Variants in APAF1 observed in about 807,000 individuals in gnomAD.
The protein encoded by APAF1 is apoptotic peptidase activating factor 1.
In APAF1, 91 loss-of-function variants were observed where a neutral mutation model predicts 152.4. The observed-to-expected ratio is 0.60, with a 90% CI of 0.50 to 0.71. The LOEUF (loss-of-function observed/expected upper bound fraction) is 0.71. Among genes scored for constraint, APAF1 ranks in the 30% least tolerant of loss-of-function variants. The probability of loss-of-function intolerance (pLI) is 0.00; values close to 1 mark genes in which losing one functional copy is unlikely to be tolerated. For missense variants in APAF1, 1,283 were observed against 1,472.0 expected (o/e 0.87, Z 2.10); for synonymous variants, 484 against 494.1 (o/e 0.98, Z 0.27).
chr12:98,715,523 A>G lies in APAF1; in HGVS notation c.3055A>G (p.Ile1019Val). ...GTTCACAGCCGATGAGAAGACTCTT[A>G]TTTCAAGTTCTGATGATGCTGAAAT... ...IQFTADEKTLISSSDDAEIQV... is the reference protein window; with the variant it reads ...IQFTADEKTLVSSSDDAEIQV... The change falls in exon 22 of 27, where the codon ATT (isoleucine) becomes GTT (valine). Residue 1019 changes from isoleucine (I) to valine (V), a missense_variant. Physicochemically the swap from Ile to Val is conservative, Grantham distance 29 (BLOSUM62 3). Transcript: ENST00000551964. The G allele has an allele frequency of 6.2e-7, 1 of 1,613,716 alleles. No individual in the cohort carries two copies. Among genetic ancestry groups the G allele is most frequent in the Non-Finnish European group, 8.5e-7 (1 of 1,179,822 alleles).
chr12:98,671,846 A>G, intron 12 of APAF1, 127 bp downstream of exon 12: 1 of 837,166 alleles, frequency 1.2e-6, no homozygotes, highest in Non-Finnish European at 2.0e-6. Context: ...TTTAATAAGC[A>G]TTCTTACTTA....
intron 12 of APAF1, among the ~76,000 whole-genome samples, chr12:98,673,043 C>G (rs2097682285): frequency 6.6e-6 from 1 of 152,026 alleles, no homozygotes; most frequent in African/African-American, 2.4e-5. Context: ...CAGGCGTGAG[C>G]CACTGCACCC....
intron 16 of APAF1, among the ~76,000 whole-genome samples, chr12:98,695,193 C>T (rs533265160): frequency 2.6e-5 from 4 of 152,186 alleles, no homozygotes; most frequent in African/African-American, 7.2e-5. Context: ...GCTGGGATTA[C>T]AGGCACGCAC....
chr12:98,732,528 A>G lies in APAF1; in HGVS notation c.3709A>G (p.Asn1237Asp). The G allele has an allele frequency of 6.4e-7, 1 of 1,567,246 alleles. No homozygotes were observed. The highest frequency in any genetic ancestry group is 8.8e-7 in the Non-Finnish European group (1 of 1,137,292). ...PDFKTYVTVD[N>D]LGILYILQTL... Reference sequence around the variant, plus strand: ...CTTCAAAACATATGTGACTGTGGATAATCTTGGTATTTTATATATTTTACA... The same window carrying G: ...CTTCAAAACATATGTGACTGTGGATGATCTTGGTATTTTATATATTTTACA... Residue 1237 changes from asparagine (N) to aspartate (D), a missense_variant, in exon 27 of 27, where the codon AAT becomes GAT. Asn to Asp is a conservative substitution (Grantham distance 23). Transcript: ENST00000551964.
chr12:98,689,465 T>A lies in APAF1; in HGVS notation c.2304+2592T>A, dbSNP rs548884575. Among the ~76,000 whole-genome samples the A allele has an allele frequency of 4.1e-4, 56 of 136,582 alleles. No homozygotes were observed. In the East Asian group the frequency reaches 8.7e-3, roughly 21 times the overall value. 89.6% of individuals were successfully genotyped at this position (136,582 alleles called of 152,430 possible). On this transcript the variant is annotated intron_variant, in intron 16 of 26. Transcript: ENST00000551964. ...GAGAGAGAGAGAGAGAGAGAGAGAGTGTGTGTGTCTGTGTGTGTGTGTGTG... is the reference window on the plus strand; with the variant it reads ...GAGAGAGAGAGAGAGAGAGAGAGAGAGTGTGTGTCTGTGTGTGTGTGTGTG...
chr12:98,703,315 AT>A (rs1565884581), intron 17 of APAF1, 55 bp from the exon 18 acceptor site: 8 of 1,588,510 alleles, frequency 5.0e-6, no homozygotes, highest in Non-Finnish European at 6.9e-6. Context: ...GGATATTAGA[AT>A]AGCTTATCTC....
intron 20 of APAF1, among the ~76,000 whole-genome samples, chr12:98,710,169 C>T (rs559259505): frequency 1.1e-4 from 16 of 148,570 alleles, no homozygotes; most frequent in South Asian, 1.1e-3. Flanking sequence ...CCACCGTGCC[C>T]GGCCTAAGGG....
At chr12:98,655,058 CT>C (rs2097654924) in intron 4 of APAF1, among the ~76,000 whole-genome samples, 1 of 116,118 alleles carries the variant, frequency 8.6e-6, no homozygotes, top group African/African-American at 3.3e-5. Flanking sequence ...CTTCAAGCAT[CT>C]GTTTAACAAA....
chr12:98,715,738 A>G (rs2097734048), intron 22 of APAF1, among the ~76,000 whole-genome samples, 186 bp downstream of exon 22: 1 of 151,860 alleles, frequency 6.6e-6, no homozygotes, highest in Admixed American at 6.6e-5. Flanking sequence ...CAGACAGTTT[A>G]TCTTAGAATC....
chr12:98,653,000 G>A (rs1001979732), intron 4 of APAF1, among the ~76,000 whole-genome samples: 10 of 151,908 alleles, frequency 6.6e-5, no homozygotes, highest in African/African-American at 2.4e-4. Context: ...CAGTAGACGA[G>A]AACTCTGATG....
chr12:98,688,641 T>TTCC (rs34779436), intron 16 of APAF1, among the ~76,000 whole-genome samples: 1 of 127,522 alleles, frequency 7.8e-6, no homozygotes, highest in Non-Finnish European at 1.5e-5. Context: ...TGGCGAAATT[T>TTCC]TTTTTTTTTT....
intron 11 of APAF1, 56 bp downstream of exon 11, chr12:98,671,142 A>G: frequency 3.8e-6 from 4 of 1,063,122 alleles, no homozygotes; most frequent in East Asian, 2.4e-5. Flanking sequence ...TTTTTTTTAC[A>G]TTTAATTCTA....
intron 4 of APAF1, among the ~76,000 whole-genome samples, chr12:98,650,181 C>T (rs2097647156): frequency 6.6e-6 from 1 of 152,102 alleles, no homozygotes; most frequent in South Asian, 2.1e-4. Context: ...AGACAGTTCC[C>T]AACTTCTAGT....
intron 9 of APAF1, 25 bp downstream of exon 9, chr12:98,666,382 TTTTTTCC>T (rs2097672758): frequency 1.9e-6 from 3 of 1,603,340 alleles, no homozygotes; most frequent in Non-Finnish European, 1.7e-6. Context: ...GTTTACTTTT[TTTTTTCC>T]TTTTTCCTTT....
At chr12:98,652,996 A>G (rs2097650877) in intron 4 of APAF1, among the ~76,000 whole-genome samples, 1 of 151,582 alleles carries the variant, frequency 6.6e-6, no homozygotes, top group South Asian at 2.1e-4. Context: ...TTCTCAGTAG[A>G]CGAGAACTCT....
intron 18 of APAF1, among the ~76,000 whole-genome samples, 159 bp downstream of exon 18, chr12:98,703,658 C>T (rs1267080607): frequency 5.9e-5 from 9 of 152,206 alleles, no homozygotes; most frequent in Admixed American, 5.9e-4. Flanking sequence ...GGATATTAAA[C>T]CACATAGCCA....
intron 19 of APAF1, among the ~76,000 whole-genome samples, chr12:98,708,159 C>CAA (rs1439022648): frequency 2.0e-5 from 3 of 152,150 alleles, no homozygotes; most frequent in Non-Finnish European, 4.4e-5. Context: ...GTTGGTCAGA[C>CAA]GTCTTGAACT....
At chr12:98,714,691 C>T (rs929562871) in intron 21 of APAF1, among the ~76,000 whole-genome samples, 4 of 152,082 alleles carry the variant, frequency 2.6e-5, no homozygotes, top group African/African-American at 9.7e-5. Context: ...TTCTTCCAGA[C>T]GTGGGTTAGG....
chr12:98,723,564 G>A, intron 23 of APAF1, 75 bp from the exon 24 acceptor site: 3 of 1,375,602 alleles, frequency 2.2e-6, no homozygotes, highest in South Asian at 2.5e-5. Context: ...GACCTGTCTT[G>A]TAGCTGATTA....
Sources: allele counts gnomAD v4.1 joint callset (sites outside exome capture counted in the v4.1 genomes callset), GRCh38; gene constraint gnomAD v4.1.1; transcripts MANE v1.5; gene names NCBI Gene and HGNC (gene_info 2026-07-23, HGNC 2026-07-21).